Variants in AFG2A observed in about 807,000 individuals in gnomAD.
The protein encoded by AFG2A is ATPase family gene 2 protein homolog A.
At chr4:123,273,416 G>A in the AFG2A span, among the ~76,000 whole-genome samples, 1 of 151,882 alleles carries the variant, frequency 6.6e-6, no homozygotes, top group African/African-American at 2.4e-5. Flanking sequence ...CTATTTCATT[G>A]AAAATATGAT....
At chr4:122,996,592 GATAGA>G in the AFG2A span, among the ~76,000 whole-genome samples, 1 of 151,682 alleles carries the variant, frequency 6.6e-6, no homozygotes, top group African/African-American at 2.4e-5. Context: ...TAGATAGATA[GATAGA>G]TAGATAGATA....
At chr4:123,102,147 G>A in the AFG2A span, 1 of 151,682 alleles carries the variant, frequency 6.6e-6, no homozygotes, top group Non-Finnish European at 1.5e-5. Flanking sequence ...AGTTTCTGAG[G>A]TTTTTGTTTT....
chr4:123,047,881 T>C, the AFG2A span, among the ~76,000 whole-genome samples: 1 of 151,972 alleles, frequency 6.6e-6, no homozygotes, highest in Non-Finnish European at 1.5e-5. Flanking sequence ...TAAATTATTA[T>C]TATTGTAGAG....
At chr4:123,018,711 G>C in the AFG2A span, among the ~76,000 whole-genome samples, 1 of 151,480 alleles carries the variant, frequency 6.6e-6, no homozygotes, top group African/African-American at 2.4e-5. Context: ...TTGGCTCACT[G>C]CAACCTCCGC....
chr4:123,010,864 C>T, the AFG2A span, among the ~76,000 whole-genome samples: 1 of 152,192 alleles, frequency 6.6e-6, no homozygotes, highest in African/African-American at 2.4e-5. Context: ...TGAGCCAATT[C>T]CCTAGTTGGT....
the AFG2A span, among the ~76,000 whole-genome samples, chr4:123,006,587 C>G: frequency 1.3e-5 from 2 of 152,088 alleles, no homozygotes; most frequent in Non-Finnish European, 2.9e-5. Context: ...TAGTGCTGCA[C>G]CTACCAGTTC....
chr4:123,315,210 T>C, the AFG2A span: 2 of 151,188 alleles, frequency 1.3e-5, no homozygotes, highest in African/African-American at 4.9e-5. Flanking sequence ...AGACAGAGTC[T>C]CGCTGCTCTG....
At chr4:123,138,305 T>G in the AFG2A span, among the ~76,000 whole-genome samples, 1 of 152,182 alleles carries the variant, frequency 6.6e-6, no homozygotes, top group Non-Finnish European at 1.5e-5. Flanking sequence ...TTTTGGGGTC[T>G]GCACATTTGA....
At chr4:123,072,701 A>G in the AFG2A span, among the ~76,000 whole-genome samples, 1 of 152,204 alleles carries the variant, frequency 6.6e-6, no homozygotes. Context: ...CAGTATGTGC[A>G]ACACAATATA....
the AFG2A span, among the ~76,000 whole-genome samples, chr4:123,220,412 C>A: frequency 6.6e-6 from 1 of 151,436 alleles, no homozygotes; most frequent in African/African-American, 2.4e-5. Context: ...GAGTTCCAGA[C>A]CAGCCTGGCC....
At chr4:123,202,972 G>GT in the AFG2A span, among the ~76,000 whole-genome samples, 6 of 152,018 alleles carry the variant, frequency 3.9e-5, no homozygotes, top group African/African-American at 1.5e-4. Flanking sequence ...GCAGTGAGCC[G>GT]TGATCGTACT....
At chr4:123,268,951 T>A in the AFG2A span, among the ~76,000 whole-genome samples, 2 of 152,158 alleles carry the variant, frequency 1.3e-5, no homozygotes, top group Non-Finnish European at 2.9e-5. Flanking sequence ...ACTCTATTTT[T>A]CAATTGAGAA....
At chr4:123,223,935 A>G in the AFG2A span, among the ~76,000 whole-genome samples, 1 of 152,086 alleles carries the variant, frequency 6.6e-6, no homozygotes, top group Non-Finnish European at 1.5e-5. Context: ...CAGCCCCACT[A>G]GTTTATTTCT....
chr4:123,313,951 A>T, the AFG2A span: 1 of 1,613,122 alleles, frequency 6.2e-7, no homozygotes, highest in Non-Finnish European at 8.5e-7. Flanking sequence ...AGCCAATCTC[A>T]TCATGAAAAG....
the AFG2A span, among the ~76,000 whole-genome samples, chr4:122,939,076 T>TC: frequency 4.2e-5 from 2 of 48,132 alleles, no homozygotes; most frequent in African/African-American, 9.0e-5. Context: ...ATGTTCTTTC[T>TC]TTTTTTTTTT....
the AFG2A span, among the ~76,000 whole-genome samples, chr4:122,957,662 G>A: frequency 6.6e-6 from 1 of 152,124 alleles, no homozygotes; most frequent in South Asian, 2.1e-4. Context: ...AGTTATTAGG[G>A]AATAATTTGA....
At chr4:123,165,528 C>G in the AFG2A span, among the ~76,000 whole-genome samples, 1 of 151,896 alleles carries the variant, frequency 6.6e-6, no homozygotes, top group African/African-American at 2.4e-5. Flanking sequence ...ACTATTGCTA[C>G]TCTTTAGTTG....
At chr4:123,078,450 C>T in the AFG2A span, among the ~76,000 whole-genome samples, 3 of 152,142 alleles carry the variant, frequency 2.0e-5, no homozygotes, top group Admixed American at 1.3e-4. Context: ...TGAATGTGCA[C>T]ATATTATTTT....
the AFG2A span, among the ~76,000 whole-genome samples, chr4:123,123,883 C>T: frequency 8.2e-3 from 1,086 of 132,204 alleles, 6 homozygotes; most frequent in Middle Eastern, 0.058. Context: ...ACCCGGGAGG[C>T]GGAGCTTGCA....
Sources: allele counts gnomAD v4.1 joint callset (sites outside exome capture counted in the v4.1 genomes callset), GRCh38; gene constraint gnomAD v4.1.1; transcripts MANE v1.5; gene names NCBI Gene and HGNC (gene_info 2026-07-23, HGNC 2026-07-21).